Variants in TRAPPC2L observed in about 807,000 individuals in gnomAD.
TRAPPC2L encodes the protein trafficking protein particle complex subunit 2-like protein.
In TRAPPC2L, 17 loss-of-function variants were observed where a neutral mutation model predicts 13.2. That is an observed-to-expected ratio of 1.29 (90% CI 0.88 to 1.93). The LOEUF is 1.93. Among genes scored for constraint, TRAPPC2L ranks in the 30% most tolerant of loss-of-function variants. TRAPPC2L has a pLI of 0.00. For synonymous variants in TRAPPC2L, 150 were observed against 98.1 expected (o/e 1.53, Z -3.12); for missense variants, 359 against 252.1 (o/e 1.42, Z -2.87).
At chr16:88,860,982 G>C in exon 4 of TRAPPC2L, 5 of 1,574,064 alleles carry the variant, frequency 3.2e-6, no homozygotes, top group Non-Finnish European at 4.3e-6. Flanking sequence ...GCCAGCCATC[G>C]CAGAGGAGCC....
chr16:88,856,738 G>T, upstream of TRAPPC2L: 1 of 630,826 alleles, frequency 1.6e-6, no homozygotes, highest in Non-Finnish European at 2.5e-6. Context: ...GCCCTGCCCC[G>T]TCCCACCGCC....
At chr16:88,859,931 G>C (rs116785233) in exon 4 of TRAPPC2L, 1 of 1,542,948 alleles carries the variant, frequency 6.5e-7, no homozygotes, top group South Asian at 1.1e-5. Context: ...CAGACGTGAT[G>C]TGCAACCCCT....
exon 2 of TRAPPC2L, chr16:88,858,721 A>T: frequency 6.2e-7 from 1 of 1,613,542 alleles, no homozygotes; most frequent in Non-Finnish European, 8.5e-7. Context: ...GATCTCCGCA[A>T]TGGGGAAGGC....
exon 3 of TRAPPC2L, chr16:88,859,746 G>A (rs916424704): frequency 3.1e-6 from 5 of 1,613,700 alleles, no homozygotes; most frequent in Middle Eastern, 1.6e-4. Flanking sequence ...AACGAAATTC[G>A]CAGCGTAAGT....
At chr16:88,858,533 C>T in intron 1 of TRAPPC2L, 86 bp from the exon 2 acceptor site, 3 of 1,464,508 alleles carry the variant, frequency 2.0e-6, no homozygotes, top group Non-Finnish European at 2.8e-6. Flanking sequence ...CGGGTGGCTG[C>T]AGGTCACGGC....
chr16:88,856,832 C>A (rs577397719), upstream of TRAPPC2L: 9 of 1,523,340 alleles, frequency 5.9e-6, no homozygotes, highest in Admixed American at 7.9e-5. Context: ...GCGCTGAGCA[C>A]CAGCAACAGC....
At chr16:88,856,227 A>G (rs3784877), upstream of TRAPPC2L, 18,864 of 702,964 alleles carry the variant, frequency 0.027, 327 homozygotes, top group African/African-American at 0.062. Flanking sequence ...CATTCTCCAG[A>G]GGACAGAGAC....
At chr16:88,859,947 A>T (rs751767755) in exon 4 of TRAPPC2L, 9 of 1,613,836 alleles carry the variant, frequency 5.6e-6, no homozygotes, top group Non-Finnish European at 5.9e-6. Flanking sequence ...CCCCTTCTAC[A>T]ACCCGGGGGA....
intron 1 of TRAPPC2L, among the ~76,000 whole-genome samples, 199 bp from the exon 2 acceptor site, chr16:88,858,420 C>A (rs1191334797): frequency 1.3e-5 from 2 of 152,176 alleles, no homozygotes; most frequent in African/African-American, 4.8e-5. Flanking sequence ...GCTTTGCAAA[C>A]AACACATAAA....
rs57613275 is a variant in TRAPPC2L at position 88,860,004 on chromosome 16, C to G, written c.406C>G (p.Leu136Val). Residue 136 changes from leucine to valine, a missense_variant, in exon 4 of 4, where the codon CTT becomes GTT. Coordinates refer to ENST00000565504, the Ensembl canonical transcript of TRAPPC2L. ...CCTACTTTCTGTGTCTTGCCACCTTCTTTCTGTAGGACATGCCTTGCCATT... is the reference window on the plus strand; with the variant it reads ...CCTACTTTCTGTGTCTTGCCACCTTGTTTCTGTAGGACATGCCTTGCCATT... The G allele has an allele frequency of 3.9e-3, 6,258 of 1,602,094 alleles. 155 individuals are homozygous for G. In the African/African-American group the frequency reaches 0.058, roughly 15 times the overall value.
chr16:88,860,537 C>G (rs1968312913), exon 4 of TRAPPC2L: 1 of 592,618 alleles, frequency 1.7e-6, no homozygotes, highest in African/African-American at 1.9e-5. Context: ...CAAGGCAGGC[C>G]CCTCCCTCCA....
exon 4 of TRAPPC2L, chr16:88,860,840 G>A: frequency 6.6e-7 from 1 of 1,505,872 alleles, no homozygotes; most frequent in Non-Finnish European, 9.0e-7. Context: ...ATGGAGCCAT[G>A]CTGCCCGGCC....
chr16:88,857,170 T>G, exon 1 of TRAPPC2L: 1 of 1,581,528 alleles, frequency 6.3e-7, no homozygotes, highest in Non-Finnish European at 8.6e-7. Context: ...TGCATCGCGG[T>G]GATTGCCAAG....
chr16:88,861,270 G>A, exon 4 of TRAPPC2L: 1 of 408,828 alleles, frequency 2.4e-6, no homozygotes, highest in South Asian at 2.2e-5. Flanking sequence ...CTGGAGCCAA[G>A]AGTTCCTGAG....
upstream of TRAPPC2L, chr16:88,856,972 G>A (rs977829212): frequency 7.1e-6 from 10 of 1,400,958 alleles, no homozygotes; most frequent in African/African-American, 1.1e-4. Context: ...GGCCTGGACG[G>A]CCACGTGACT....
rs1467887329 is a variant in TRAPPC2L, at chr16:88,860,960, G to A, written c.*636G>A. ...GTCGATGATGATACAGGTGTGCTGA[G>A]TGAGCTGTGCTGCCAGCCATCGCAG... On this transcript the variant is annotated 3_prime_UTR_variant, in exon 4 of 4. Transcript: ENST00000565504. 5.0e-6 allele frequency: 8 copies of A among 1,587,562 alleles called. No homozygotes were observed. The highest frequency in any genetic ancestry group is 4.5e-5 in the East Asian group (2 of 44,160).
chr16:88,857,866 C>G (rs184829578), intron 1 of TRAPPC2L, among the ~76,000 whole-genome samples: 3 of 152,224 alleles, frequency 2.0e-5, no homozygotes, highest in African/African-American at 4.8e-5. Context: ...GCTGCCCACA[C>G]GCTCCTGCTG....
At chr16:88,861,709 A>G (rs938694125) in exon 4 of TRAPPC2L, 1 of 470,388 alleles carries the variant, frequency 2.1e-6, no homozygotes, top group Non-Finnish European at 4.4e-6. Context: ...CTTGGGGTCC[A>G]GCGGTCAAGG....
chr16:88,861,281 C>T (rs1968370560), exon 4 of TRAPPC2L: 1 of 409,470 alleles, frequency 2.4e-6, no homozygotes. Flanking sequence ...AGTTCCTGAG[C>T]CTGCAGGACC....
Sources: gnomAD v4.1 joint callset for allele counts (sites outside exome capture counted in the v4.1 genomes callset) on GRCh38, gnomAD v4.1.1 for gene constraint, MANE v1.5 for transcripts, NCBI Gene and HGNC (gene_info 2026-07-23, HGNC 2026-07-21) for gene names.